Variants in ANK1 observed in about 807,000 individuals in gnomAD.
The protein encoded by ANK1 is ankyrin 1.
In ANK1, 51 loss-of-function variants were observed where a neutral mutation model predicts 210.4. The ratio of observed to expected loss-of-function variants is 0.24; its 90% CI spans 0.19 to 0.31. ANK1 has a LOEUF of 0.31. ANK1 is among the 10% of genes least tolerant of loss of function. The pLI is 1.00. For missense variants in ANK1, 2,051 were observed against 2,504.4 expected (o/e 0.82, Z 3.86); for synonymous variants, 967 against 1,025.9 (o/e 0.94, Z 1.10).
chr8:41,892,719 G>A (rs773891730), intron 1 of ANK1, among the ~76,000 whole-genome samples: 2 of 152,154 alleles, frequency 1.3e-5, no homozygotes, highest in Non-Finnish European at 2.9e-5. Flanking sequence ...CAGTCAAAGG[G>A]TGTATCATTC....
At chr8:41,755,962 C>T (rs1306088530) in intron 2 of ANK1, among the ~76,000 whole-genome samples, 1 of 152,096 alleles carries the variant, frequency 6.6e-6, no homozygotes, top group Non-Finnish European at 1.5e-5. Context: ...AAGTGCACTG[C>T]CAGGGTCTTT....
chr8:41,715,894 C>T (rs776433514), intron 13 of ANK1, 45 bp from the exon 14 acceptor site: 9 of 1,611,192 alleles, frequency 5.6e-6, no homozygotes, highest in Non-Finnish European at 7.6e-6. Context: ...GCTAATGTTA[C>T]CAAATCCAAC....
intron 4 of ANK1, among the ~76,000 whole-genome samples, chr8:41,727,634 A>G (rs1831053926): frequency 6.6e-6 from 1 of 152,158 alleles, no homozygotes; most frequent in Non-Finnish European, 1.5e-5. Context: ...CCCAGTCCTC[A>G]GTTTCTCTCT....
Position 41,725,697 on chromosome 8 carries a change from C to T in ANK1, c.612+64G>A, listed in dbSNP as rs80058016. 82,619 of 1,560,008 alleles carry T rather than the reference C, an allele frequency of 0.053. 2,523 individuals are homozygous for T. The highest frequency in any genetic ancestry group is 0.06 in the Non-Finnish European group (69,102 of 1,155,556). On this transcript the variant is annotated intron_variant, in intron 6 of 42. Coordinates refer to ENST00000289734, the MANE Select transcript of ANK1 (RefSeq NM_000037.4). Reference sequence around the variant, plus strand: ...CCTGCCTGGGAAGTCGCTGGGCGTGCGCGGTGCCCCCTGAGCCCACGGGCG... The same window carrying T: ...CCTGCCTGGGAAGTCGCTGGGCGTGTGCGGTGCCCCCTGAGCCCACGGGCG...
chr8:41,869,102 T>C (rs745665844), intron 1 of ANK1, among the ~76,000 whole-genome samples: 6 of 152,222 alleles, frequency 3.9e-5, no homozygotes, highest in African/African-American at 7.2e-5. Context: ...TAGGTGACTC[T>C]TTCTGGGCTA....
chr8:41,830,637 G>A (rs559489470), intron 1 of ANK1, among the ~76,000 whole-genome samples: 228 of 152,270 alleles, frequency 1.5e-3, no homozygotes, highest in Non-Finnish European at 2.9e-3. Flanking sequence ...GGTTGTCTGG[G>A]ACTAGGGCTT....
rs757866982 is a variant in ANK1 at position 41,708,770 on chromosome 8, A to AT, written c.1998+7dup. 6.8e-6 allele frequency: 11 copies of AT among 1,613,546 alleles called. No individual in the cohort carries two copies. The Admixed American group carries it at 1.8e-4, about 27-fold the overall frequency. On this transcript the variant is annotated splice_region_variant and intron_variant, in intron 17 of 42. Coordinates refer to ENST00000289734, the MANE Select transcript of ANK1 (RefSeq NM_000037.4). ...ACTCCAGGGCAGATCCGAAGACACC[A>AT]TGCCTACCTTGTTCCCCAGGTTGCC...
chr8:41,818,709 C>T (rs1160887559), intron 1 of ANK1, among the ~76,000 whole-genome samples: 1 of 151,648 alleles, frequency 6.6e-6, no homozygotes, highest in African/African-American at 2.4e-5. Flanking sequence ...GTCTTGAACT[C>T]GTGGGTTTCA....
chr8:41,656,305 TG>T (rs1265408178), intron 42 of ANK1, among the ~76,000 whole-genome samples: 1 of 152,200 alleles, frequency 6.6e-6, no homozygotes, highest in Non-Finnish European at 1.5e-5. Context: ...TCCCTGGCCT[TG>T]GGAGCTCATG....
intron 2 of ANK1, among the ~76,000 whole-genome samples, chr8:41,740,866 C>G (rs1834623043): frequency 6.6e-6 from 1 of 152,216 alleles, no homozygotes; most frequent in South Asian, 2.1e-4. Flanking sequence ...TGGGGCCAGG[C>G]ACTGCCTCCC....
At chr8:41,793,146 G>A (rs1848081907) in intron 1 of ANK1, among the ~76,000 whole-genome samples, 1 of 152,224 alleles carries the variant, frequency 6.6e-6, no homozygotes, top group South Asian at 2.1e-4. Flanking sequence ...AGAGGCCAAG[G>A]AGGGAAGCTC....
At chr8:41,659,310 A>G (rs1448053957) in intron 42 of ANK1, among the ~76,000 whole-genome samples, 1 of 152,200 alleles carries the variant, frequency 6.6e-6, no homozygotes, top group Non-Finnish European at 1.5e-5. Context: ...CAAGGAGGAC[A>G]CTTATTTATA....
At position 41,688,246 on chromosome 8, in the gene ANK1, A is replaced by G. The variant is rs1818239555; in HGVS notation, c.4184-16T>C. On this transcript the variant is annotated splice_polypyrimidine_tract_variant and intron_variant, in intron 34 of 42. Transcript: ENST00000289734. ...CTGAGAGAACCTGGGGAGAAGCATT[A>G]GATTTCATTTAGTAGCCAGGGCAGG... The G allele has an allele frequency of 1.8e-5, 29 of 1,613,722 alleles. No individual in the cohort carries two copies. Among genetic ancestry groups the G allele is most frequent in the Non-Finnish European group, 2.3e-5 (27 of 1,179,616 alleles).
upstream of ANK1, among the ~76,000 whole-genome samples, chr8:41,800,451 A>G (rs2150775555): frequency 6.6e-6 from 1 of 152,270 alleles, no homozygotes; most frequent in Middle Eastern, 3.4e-3. Flanking sequence ...GCATTAGATT[A>G]ACGCTTTAAT....
rs1586144976 is a variant in ANK1 at position 41,693,172 on chromosome 8, T to C, written c.3562A>G (p.Ile1188Val). 5 of 1,613,468 alleles carry C rather than the reference T, an allele frequency of 3.1e-6. No homozygotes were observed. In the East Asian group the frequency reaches 6.7e-5, roughly 22 times the overall value. Residue 1188 changes from isoleucine to valine, a missense_variant, in exon 30 of 43, where the codon ATA (isoleucine) becomes GTA (valine). Around this residue, in one of 6 missense-constraint regions of ANK1, gnomAD observed 1,413 missense variants for 1,707.4 expected, o/e 0.83. Coordinates refer to ENST00000289734, the MANE Select transcript of ANK1 (RefSeq NM_000037.4). ...TATACAAGTTTGGTGGTTCCTGTTA[T>C]GTCTTCCCACTGGGCTTGGTCTGTT... Reference protein sequence around the residue: ...GGTDQAQWEDITGTTKLVYAN... With the variant: ...GGTDQAQWEDVTGTTKLVYAN...
At chr8:41,851,254 T>C (rs556575804) in intron 1 of ANK1, among the ~76,000 whole-genome samples, 1 of 152,322 alleles carries the variant, frequency 6.6e-6, no homozygotes. Context: ...CTTCTTTCTC[T>C]TCCTCCCTTG....
intron 1 of ANK1, among the ~76,000 whole-genome samples, chr8:41,880,808 C>T (rs949354271): frequency 6.6e-6 from 1 of 152,258 alleles, no homozygotes. Flanking sequence ...CCGGCAGAGG[C>T]GCCTGGTGGG....
chr8:41,655,623 G>A lies in ANK1; in HGVS notation c.*167C>T. 7.2e-7 allele frequency: 1 copy of A among 1,395,058 alleles called. No individual in the cohort carries two copies. 86.4% of individuals were successfully genotyped at this position (1,395,058 alleles called of 1,614,324 possible). A position where few individuals can be genotyped will look rare whatever the true frequency, so the allele number is the denominator to read the frequency against. ...TCATGCCAAGAGGGGACTAGCAGGA[G>A]TCCCTTACAGAGGTCATGCCGTCAG... On this transcript the variant is annotated 3_prime_UTR_variant, in exon 43 of 43. Transcript: ENST00000289734.
chr8:41,654,462 G>C lies in ANK1; in HGVS notation c.*1328C>G, dbSNP rs1805055884. The C allele has an allele frequency of 6.6e-6, 1 of 152,598 alleles. No individual in the cohort carries two copies. Among genetic ancestry groups the C allele is most frequent in the Non-Finnish European group, 1.5e-5 (1 of 68,070 alleles). 9.5% of individuals were successfully genotyped at this position (152,598 alleles called of 1,614,324 possible). A position where few individuals can be genotyped will look rare whatever the true frequency, so the allele number is the denominator to read the frequency against. On this transcript the variant is annotated 3_prime_UTR_variant, in exon 43 of 43. Transcript: ENST00000289734. ...CTGAGGCAGGACAGGGAACAGCCTC[G>C]AGCCTGGCACCTGCACCCAGGGTCC...
Sources: gnomAD v4.1 joint callset for allele counts (sites outside exome capture counted in the v4.1 genomes callset) on GRCh38, gnomAD v4.1.1 for gene constraint, gnomAD v4.1.1 regional missense constraint, MANE v1.5 for transcripts, NCBI Gene and HGNC (gene_info 2026-07-23, HGNC 2026-07-21) for gene names.